The following HERC4 variants were observed in gnomAD, a reference collection of about 807,000 sequenced individuals.
HERC4 encodes the protein HECT and RLD domain containing E3 ubiquitin protein ligase 4.
Under a neutral mutation model 124.3 loss-of-function variants are expected in HERC4, and 28 were observed. That is an observed-to-expected ratio of 0.23 (90% CI 0.17 to 0.31). The LOEUF (loss-of-function observed/expected upper bound fraction) is 0.31, where lower values mean the gene tolerates loss of function less well. HERC4 is among the 10% of genes least tolerant of loss of function. HERC4 has a pLI of 1.00. For missense variants in HERC4, 713 were observed against 1,229.3 expected (o/e 0.58, Z 6.28); for synonymous variants, 407 against 421.5 (o/e 0.97, Z 0.42).
chr10:68,057,473 A>C (rs1195625587), intron 3 of HERC4, among the ~76,000 whole-genome samples: 1 of 151,720 alleles, frequency 6.6e-6, no homozygotes, highest in Non-Finnish European at 1.5e-5. Context: ...AAAATACAAA[A>C]ATTAGCCGTG....
intron 3 of HERC4, among the ~76,000 whole-genome samples, chr10:68,047,243 G>A (rs77493845): frequency 0.014 from 2,144 of 149,780 alleles, 51 homozygotes; most frequent in African/African-American, 0.049. Context: ...AAGTGGGTAA[G>A]AGATGTGAAC....
intron 3 of HERC4, among the ~76,000 whole-genome samples, chr10:68,064,957 C>G (rs1224303631): frequency 1.4e-5 from 2 of 142,668 alleles, no homozygotes; most frequent in African/African-American, 5.2e-5. Flanking sequence ...GGTGACAGAG[C>G]AAGGCTCCAT....
chr10:67,926,454 GA>G (rs1470212134), intron 23 of HERC4, among the ~76,000 whole-genome samples: 1 of 150,918 alleles, frequency 6.6e-6, no homozygotes, highest in East Asian at 1.9e-4. Context: ...TACTAAAAGA[GA>G]AGCAGGTAGG....
chr10:67,945,245 C>T (rs1391173497), intron 19 of HERC4, among the ~76,000 whole-genome samples: 1 of 152,170 alleles, frequency 6.6e-6, no homozygotes, highest in African/African-American at 2.4e-5. Context: ...TCCAGTACAT[C>T]TAGCAGTAGA....
At chr10:68,000,951 A>T (rs1048531360) in intron 9 of HERC4, among the ~76,000 whole-genome samples, 1 of 152,218 alleles carries the variant, frequency 6.6e-6, no homozygotes, top group Non-Finnish European at 1.5e-5. Flanking sequence ...GTAGGTTGTT[A>T]CAAGCAACTC....
In HERC4 at chr10:67,925,127, C is replaced by G. The variant is rs770577676; in HGVS notation, c.2899G>C (p.Val967Leu). 2 of 1,606,344 alleles carry G rather than the reference C, an allele frequency of 1.2e-6. No individual in the cohort carries two copies. The highest frequency in any genetic ancestry group is 1.3e-5 in the African/African-American group (1 of 74,770). Residue 967 changes from valine (V) to leucine (L), a missense_variant, in exon 24 of 25, where the codon GTA (valine) becomes CTA (leucine). Val to Leu is a conservative substitution (Grantham distance 32). Transcript: ENST00000373700. ...TTTTCCAATGGTAATTCGTGAAATA[C>G]TTCCCAAAAAATTTTTATCGTAGGA... is the stretch of plus-strand genomic sequence containing the variant. ...EHPTIKIFWEVFHELPLEKKK... is the reference protein window; with the variant it reads ...EHPTIKIFWELFHELPLEKKK...
chr10:67,990,409 T>C lies in HERC4; in HGVS notation c.1444-9A>G, dbSNP rs754214205. 13 of 1,423,570 alleles carry C rather than the reference T, an allele frequency of 9.1e-6. No individual in the cohort carries two copies. The Admixed American group carries it at 2.8e-4, about 31-fold the overall frequency. The allele number at this position is 1,423,570 out of a possible 1,614,324, so 88.2% of individuals were successfully genotyped here. The stretch of plus-strand genomic sequence containing the variant: ...TCCAAACTAGCTGCCACCTATATTT[T>C]GACAAAAAGTAAAACCTACTTCATT... On this transcript the variant is annotated splice_polypyrimidine_tract_variant and intron_variant, in intron 13 of 24. Coordinates refer to ENST00000373700, the MANE Select transcript of HERC4 (RefSeq NM_015601.4).
intron 6 of HERC4, 43 bp downstream of exon 6, chr10:68,033,922 T>C: frequency 6.6e-7 from 1 of 1,504,572 alleles, no homozygotes; most frequent in Non-Finnish European, 9.2e-7. Flanking sequence ...AAAGACCATC[T>C]CTTTCAAAAA....
At chr10:67,963,833 C>G (rs1043915965) in intron 16 of HERC4, among the ~76,000 whole-genome samples, 3 of 152,108 alleles carry the variant, frequency 2.0e-5, no homozygotes, top group Admixed American at 1.3e-4. Context: ...CTCTTTTATA[C>G]TGCAATATCT....
chr10:67,969,803 A>C (rs1181411781), intron 15 of HERC4, among the ~76,000 whole-genome samples: 1 of 152,136 alleles, frequency 6.6e-6, no homozygotes, highest in East Asian at 1.9e-4. Flanking sequence ...CCACAGGAAG[A>C]GGGGAGGGAA....
At chr10:67,927,430 ATTT>A (rs373401588) in intron 23 of HERC4, among the ~76,000 whole-genome samples, 1 of 37,926 alleles carries the variant, frequency 2.6e-5, no homozygotes, top group African/African-American at 5.8e-5. Flanking sequence ...ATATATATAT[ATTT>A]TTTTTTTTTT....
At chr10:67,987,822 C>A (rs1040218343) in intron 15 of HERC4, among the ~76,000 whole-genome samples, 4 of 152,028 alleles carry the variant, frequency 2.6e-5, no homozygotes, top group Non-Finnish European at 5.9e-5. Context: ...AGACAAAGAA[C>A]AGATGGATTA....
At chr10:67,984,738 A>G (rs2132684126) in intron 15 of HERC4, among the ~76,000 whole-genome samples, 1 of 152,200 alleles carries the variant, frequency 6.6e-6, no homozygotes, top group African/African-American at 2.4e-5. Flanking sequence ...ACGTGCCACC[A>G]CGCTCAATTA....
intron 9 of HERC4, chr10:67,995,897 T>C (rs973470160): frequency 7.3e-5 from 14 of 192,758 alleles, no homozygotes; most frequent in Middle Eastern, 2.1e-3. Context: ...CAAGTAATTT[T>C]CCCCCCCTTA....
At chr10:67,993,914 A>G (rs2036702491) in intron 9 of HERC4, 1 of 152,186 alleles carries the variant, frequency 6.6e-6, no homozygotes, top group African/African-American at 2.4e-5. Context: ...ATTTGTGACC[A>G]TGGCTGCTAT....
chr10:68,025,581 A>G lies in HERC4; in HGVS notation c.873T>C (p.Leu291=). Residue 291 remains leucine (L), a synonymous_variant, in exon 8 of 25, where the codon CTT becomes CTC. Transcript: ENST00000373700. ...CAATCTCAGTGACAATGCTTCCCAT[A>G]AGTTCAAAAACTTTCCTTGGGTTTA... ...HEINPRKVFE[L]MGSIVTEIAC... The G allele has an allele frequency of 6.2e-7, 1 of 1,613,776 alleles. No homozygotes were observed. Among genetic ancestry groups the G allele is most frequent in the Non-Finnish European group, 8.5e-7 (1 of 1,179,838 alleles).
rs542123160 is a variant in HERC4, at chr10:68,017,678, G to GT, written c.909-3493dup. Among the ~76,000 whole-genome samples, 455 of 152,070 alleles carry GT rather than the reference G, an allele frequency of 3.0e-3. 1 individual carries two copies. Among genetic ancestry groups the GT allele is most frequent in the African/African-American group, 0.011 (438 of 41,496 alleles). On this transcript the variant is annotated intron_variant, in intron 8 of 24. Coordinates refer to ENST00000373700, the MANE Select transcript of HERC4 (RefSeq NM_015601.4). ...ATTTTTGTATTTTTAGTAGAGATGGGTTTTTTTGCCATGTTGGCCAGGCTG... is the reference window on the plus strand; with the variant it reads ...ATTTTTGTATTTTTAGTAGAGATGGGTTTTTTTTGCCATGTTGGCCAGGCTG...
At chr10:68,005,638 G>A (rs928575370) in intron 9 of HERC4, among the ~76,000 whole-genome samples, 31 of 149,318 alleles carry the variant, frequency 2.1e-4, no homozygotes, top group African/African-American at 6.6e-4. Context: ...TCCTTTTTGT[G>A]AATGTGACTT....
chr10:68,051,209 A>C (rs1326514880), intron 3 of HERC4, among the ~76,000 whole-genome samples: 8 of 152,066 alleles, frequency 5.3e-5, no homozygotes, highest in African/African-American at 1.9e-4. Context: ...CAAATGTTTG[A>C]TGCTAAACTT....
Sources: allele counts gnomAD v4.1 joint callset (sites outside exome capture counted in the v4.1 genomes callset), GRCh38; gene constraint gnomAD v4.1.1; transcripts MANE v1.5; gene names NCBI Gene and HGNC (gene_info 2026-07-23, HGNC 2026-07-21).